NELL2: variants seen among roughly 807,000 people sequenced by gnomAD.
The protein encoded by NELL2 is neural EGFL like 2, also known as protein kinase C-binding protein NELL2.
In NELL2, 41 loss-of-function variants were observed where a neutral mutation model predicts 109.6. The observed-to-expected ratio is 0.37, with a 90% CI of 0.29 to 0.49. The LOEUF is 0.49. NELL2 is among the 20% of genes least tolerant of loss of function. The pLI, the probability that NELL2 is intolerant of heterozygous loss-of-function variation, is 0.98. For missense variants in NELL2, 900 were observed against 1,008.3 expected (o/e 0.89, Z 1.45); for synonymous variants, 355 against 344.7 (o/e 1.03, Z -0.33).
At chr12:44,662,555 TAC>T (rs1287218764) in intron 13 of NELL2, among the ~76,000 whole-genome samples, 1 of 152,212 alleles carries the variant, frequency 6.6e-6, no homozygotes, top group Non-Finnish European at 1.5e-5. Context: ...TTCTTCCATC[TAC>T]AAAATTTTAT....
chr12:44,668,418 G>A (rs1276203977), intron 12 of NELL2, among the ~76,000 whole-genome samples: 1 of 152,066 alleles, frequency 6.6e-6, no homozygotes, highest in Non-Finnish European at 1.5e-5. Flanking sequence ...GGATAGGCTT[G>A]TCCCACCCAA....
In NELL2 at chr12:44,895,722, C is replaced by T. The variant is rs558278224; in HGVS notation, c.38+18077G>A. On this transcript the variant is annotated intron_variant, in intron 1 of 20. Transcript: ENST00000333837. ...GCATTTATATTACGAAATCATATAT[C>T]ACCCCCTAACTTTAATTAGATATTA... 5.9e-5 allele frequency among the ~76,000 whole-genome samples: 9 copies of T among 152,092 alleles called. No individual in the cohort carries two copies. In the South Asian group the frequency reaches 1.9e-3, roughly 32 times the overall value.
rs73279126 is a variant in NELL2 at position 44,831,007 on chromosome 12, C to T, written c.185-14871G>A. ...AATCTGTGGGGGGACTGGACTTGCC[C>T]CATTTACCACATTGGACACCACACC... On this transcript the variant is annotated intron_variant, in intron 2 of 19. Coordinates refer to ENST00000429094, the MANE Select transcript of NELL2 (RefSeq NM_001145108.2). Among the ~76,000 whole-genome samples, 911 of 151,950 alleles carry T rather than the reference C, an allele frequency of 6.0e-3. 6 individuals carry two copies. The highest frequency in any genetic ancestry group is 0.021 in the African/African-American group (868 of 41,414).
intron 2 of NELL2, among the ~76,000 whole-genome samples, chr12:44,853,349 G>A (rs544500288): frequency 9.5e-4 from 144 of 152,174 alleles, no homozygotes; most frequent in African/African-American, 3.4e-3. Context: ...TTGTTTCTAC[G>A]CATTTTCCTT....
intron 12 of NELL2, among the ~76,000 whole-genome samples, chr12:44,685,163 C>T (rs1295758063): frequency 6.6e-6 from 1 of 152,130 alleles, no homozygotes; most frequent in Non-Finnish European, 1.5e-5. Context: ...ATCCCTTTAC[C>T]ATTAAGTAAT....
chr12:44,705,800 G>A (rs1451874849), intron 11 of NELL2, among the ~76,000 whole-genome samples: 2 of 152,140 alleles, frequency 1.3e-5, no homozygotes, highest in South Asian at 4.1e-4. Context: ...CTAACACAGT[G>A]CTAAATTTCT....
rs1345202653 is a variant in NELL2, at chr12:44,529,567, CT to C, written c.1804+3013del. 1.3e-5 allele frequency among the ~76,000 whole-genome samples: 2 copies of C among 151,972 alleles called. 1 individual carries two copies. Among genetic ancestry groups the C allele is most frequent in the Non-Finnish European group, 2.9e-5 (2 of 68,002 alleles). ...AGAAAAGACTGACAAGGCCTGAGTC[CT>C]GGGGCATTTGCGAGAGTGAAAGAAA... is the stretch of plus-strand genomic sequence containing the variant. On this transcript the variant is annotated intron_variant, in intron 16 of 19. Transcript: ENST00000429094.
intron 14 of NELL2, among the ~76,000 whole-genome samples, chr12:44,608,376 T>C (rs948500347): frequency 1.3e-5 from 2 of 152,052 alleles, no homozygotes; most frequent in Non-Finnish European, 2.9e-5. Context: ...TGATAAAGAA[T>C]GTGCGTGTCA....
chr12:44,880,490 G>A (rs77456943), upstream of NELL2, among the ~76,000 whole-genome samples: 3,133 of 151,612 alleles, frequency 0.021, 113 homozygotes, highest in East Asian at 0.18. Flanking sequence ...TAAAAAGAAT[G>A]GAAAACATAA....
At chr12:44,916,292 G>T (rs904653450), upstream of NELL2, among the ~76,000 whole-genome samples, 16 of 152,124 alleles carry the variant, frequency 1.1e-4, no homozygotes, top group Non-Finnish European at 2.9e-5. Context: ...ATGAGGCAAA[G>T]AAAATAGTTT....
chr12:44,736,042 G>A (rs1259643908), intron 9 of NELL2, among the ~76,000 whole-genome samples: 8 of 121,496 alleles, frequency 6.6e-5, no homozygotes, highest in Admixed American at 1.1e-4. Context: ...ACGGAGTTTC[G>A]CTCTGTTGCC....
chr12:44,569,373 A>G (rs958932803), intron 15 of NELL2, among the ~76,000 whole-genome samples: 1 of 152,112 alleles, frequency 6.6e-6, no homozygotes, highest in Non-Finnish European at 1.5e-5. Flanking sequence ...CAATAGTACA[A>G]TTTACACTCC....
At chr12:44,758,451 AATT>A (rs1002111413) in intron 9 of NELL2, among the ~76,000 whole-genome samples, 42 of 152,346 alleles carry the variant, frequency 2.8e-4, no homozygotes, top group Admixed American at 3.9e-4. Flanking sequence ...ATAAAAGTAC[AATT>A]ATTATTTTTG....
At chr12:44,880,532 A>G (rs1428071004), upstream of NELL2, among the ~76,000 whole-genome samples, 2 of 152,072 alleles carry the variant, frequency 1.3e-5, no homozygotes, top group African/African-American at 4.8e-5. Flanking sequence ...TAAAATAACC[A>G]ACACACAACT....
intron 16 of NELL2, among the ~76,000 whole-genome samples, chr12:44,529,341 A>C (rs548148731): frequency 6.6e-6 from 1 of 152,348 alleles, no homozygotes; most frequent in South Asian, 2.1e-4. Flanking sequence ...AACTATGTTA[A>C]GGGACCTGTA....
intron 9 of NELL2, among the ~76,000 whole-genome samples, chr12:44,754,965 G>A (rs1481436367): frequency 1.3e-5 from 2 of 152,078 alleles, no homozygotes; most frequent in Admixed American, 6.6e-5. Context: ...CCCACTTTGT[G>A]AACCAACCCA....
chr12:44,750,997 C>T (rs762389204), intron 9 of NELL2, among the ~76,000 whole-genome samples: 22 of 152,104 alleles, frequency 1.4e-4, no homozygotes, highest in Admixed American at 1.0e-3. Flanking sequence ...TAGCAACAGC[C>T]TTTCAGTCCA....
chr12:44,686,777 G>A (rs569854696), intron 12 of NELL2, among the ~76,000 whole-genome samples: 1 of 152,340 alleles, frequency 6.6e-6, no homozygotes, highest in East Asian at 1.9e-4. Context: ...TCCGTTCTCA[G>A]ATCTCCAGCT....
rs193244325 is a variant in NELL2 at position 44,670,700 on chromosome 12, G to A, written c.1319-5091C>T. Among the ~76,000 whole-genome samples the A allele has an allele frequency of 2.6e-5, 4 of 151,888 alleles. No homozygotes were observed. The South Asian group carries it at 6.2e-4, about 24-fold the overall frequency. ...CTTCAAGTTAAAAAACATAAAAAGG[G>A]CCAAAGTAGGTCAATATAGATGACA... On this transcript the variant is annotated intron_variant, in intron 12 of 19. Coordinates refer to ENST00000429094, the MANE Select transcript of NELL2 (RefSeq NM_001145108.2).
Sources: allele counts gnomAD v4.1 joint callset (sites outside exome capture counted in the v4.1 genomes callset), GRCh38; gene constraint gnomAD v4.1.1; transcripts MANE v1.5; gene names NCBI Gene and HGNC (gene_info 2026-07-23, HGNC 2026-07-21).